ADGRG1: variants seen among roughly 807,000 people sequenced by gnomAD.
ADGRG1 encodes the protein adhesion G protein-coupled receptor G1.
In ADGRG1, 53 loss-of-function variants were observed where a neutral mutation model predicts 73.5. The ratio of observed to expected loss-of-function variants is 0.72; its 90% CI spans 0.58 to 0.91. The LOEUF (loss-of-function observed/expected upper bound fraction) is 0.91, where lower values mean the gene tolerates loss of function less well. ADGRG1 is among the 40% of genes least tolerant of loss of function. The probability of loss-of-function intolerance (pLI) is 0.00; values close to 1 mark genes in which losing one functional copy is unlikely to be tolerated. For synonymous variants in ADGRG1, 394 were observed against 374.4 expected, an observed-to-expected ratio of 1.05 and a Z score of -0.60; for missense variants, 795 against 871.8, an observed-to-expected ratio of 0.91 and a Z score of 1.11.
chr16:57,632,274 G>A (rs1167991122), intron 1 of ADGRG1: 1 of 985,300 alleles, frequency 1.0e-6, no homozygotes, highest in Admixed American at 6.1e-5. Context: ...GCACCTGTAG[G>A]GTGACAGGGC....
At chr16:57,642,742 AC>A in intron 1 of ADGRG1, 1 of 670,480 alleles carries the variant, frequency 1.5e-6, no homozygotes, top group Non-Finnish European at 1.8e-6. Flanking sequence ...AACTCAGAAG[AC>A]CACAATGGCT....
intron 1 of ADGRG1, among the ~76,000 whole-genome samples, chr16:57,633,731 A>G (rs2038620457): frequency 6.6e-6 from 1 of 152,332 alleles, no homozygotes; most frequent in South Asian, 2.1e-4. Flanking sequence ...GCACACCTCA[A>G]GTGCTATTGT....
intron 1 of ADGRG1, chr16:57,647,247 A>G (rs1332132100): frequency 1.0e-6 from 1 of 985,170 alleles, no homozygotes; most frequent in Admixed American, 6.2e-5. Context: ...GGAGGAGGGA[A>G]GTTTTCTGGG....
At chr16:57,633,695 A>T (rs2038611272) in intron 1 of ADGRG1, among the ~76,000 whole-genome samples, 1 of 152,204 alleles carries the variant, frequency 6.6e-6, no homozygotes. Context: ...GAGCCTCTGT[A>T]TTTTAAGTGC....
At chr16:57,630,075 G>A (rs909250991) in intron 1 of ADGRG1, 65 of 894,520 alleles carry the variant, frequency 7.3e-5, no homozygotes, top group East Asian at 4.8e-4. Flanking sequence ...TTTATTGAGC[G>A]CTTACTGTGC....
chr16:57,647,200 T>C (rs2042879404), intron 1 of ADGRG1: 2 of 985,284 alleles, frequency 2.0e-6, no homozygotes, highest in African/African-American at 3.5e-5. Flanking sequence ...GCAACTTTCT[T>C]GTCCCCAGCC....
intron 10 of ADGRG1, among the ~76,000 whole-genome samples, chr16:57,657,745 A>T (rs2046102147): frequency 1.3e-5 from 2 of 151,780 alleles, no homozygotes; most frequent in African/African-American, 4.8e-5. Context: ...TTATTTTATT[A>T]TTATTATTTT....
At chr16:57,662,544 A>C (rs533882598) in intron 13 of ADGRG1, among the ~76,000 whole-genome samples, 1 of 152,238 alleles carries the variant, frequency 6.6e-6, no homozygotes, top group East Asian at 1.9e-4. Flanking sequence ...CAAATGCCCA[A>C]GGGGTCACGT....
At chr16:57,662,502 C>T (rs533157846) in intron 13 of ADGRG1, among the ~76,000 whole-genome samples, 3 of 152,276 alleles carry the variant, frequency 2.0e-5, no homozygotes, top group South Asian at 2.1e-4. Flanking sequence ...CTGGGCCACC[C>T]GGGCCCTGCC....
intron 1 of ADGRG1, chr16:57,648,518 G>A: frequency 1.0e-6 from 1 of 970,644 alleles, no homozygotes; most frequent in Non-Finnish European, 1.2e-6. Flanking sequence ...CTGGCTCTCA[G>A]TCGAAGGGGC....
Position 57,661,883 on chromosome 16 carries a change from G to T in ADGRG1, c.1851G>T (p.Trp617Cys), listed in dbSNP as rs750174689. Reference protein sequence around the residue: ...LGLSLVLGLPWALIFFSFASG... With the variant: ...LGLSLVLGLPCALIFFSFASG... ...TCAGCCTGGTCCTTGGCCTGCCCTGGGCCTTGATCTTCTTCTCCTTTGCTT... is the reference window on the plus strand; with the variant it reads ...TCAGCCTGGTCCTTGGCCTGCCCTGTGCCTTGATCTTCTTCTCCTTTGCTT... The change falls in exon 13 of 14, where the codon TGG becomes TGT. Residue 617 changes from tryptophan to cysteine, a missense_variant. By Grantham distance (215) the Trp-to-Cys change is radical. Transcript: ENST00000562631. The T allele has an allele frequency of 1.9e-6, 3 of 1,614,114 alleles. No homozygotes were observed. Among genetic ancestry groups the T allele is most frequent in the East Asian group, 2.2e-5 (1 of 44,898 alleles).
Position 57,647,358 on chromosome 16 carries a change from G to C in ADGRG1, c.-35-2895G>C, listed in dbSNP as rs538591466. On this transcript the variant is annotated intron_variant, in intron 1 of 13. Coordinates refer to ENST00000562631, the MANE Select transcript of ADGRG1 (RefSeq NM_201525.4). ...GTGGGTGAGCTGGTTGCTGGGGGCC[G>C]TACGGGAAGAGGGGGAAACAGGGAG... 8.4e-5 allele frequency: 82 copies of C among 981,266 alleles called. No individual in the cohort carries two copies. The East Asian group carries it at 1.8e-3, about 22-fold the overall frequency. The allele number at this position is 981,266 out of a possible 1,614,324, so 60.8% of individuals were successfully genotyped here. A position where few individuals can be genotyped will look rare whatever the true frequency, so the allele number is the denominator to read the frequency against.
rs1369021844 is a variant in ADGRG1, at chr16:57,634,559, G to C, written c.-36+5757G>C. 29 of 812,650 alleles carry C rather than the reference G, an allele frequency of 3.6e-5. No individual in the cohort carries two copies. The African/African-American group carries it at 5.4e-4, about 15-fold the overall frequency. The allele number at this position is 812,650 out of a possible 1,614,324, so 50.3% of individuals were successfully genotyped here. ...CCACATTTCACAGATGAGGAATCAGGCCCAAGAGCTCGGAGCAGTCAGTGG... is the reference window on the plus strand; with the variant it reads ...CCACATTTCACAGATGAGGAATCAGCCCCAAGAGCTCGGAGCAGTCAGTGG... On this transcript the variant is annotated intron_variant, in intron 1 of 13. Transcript: ENST00000562631.
chr16:57,636,696 A>G, intron 1 of ADGRG1: 1 of 985,244 alleles, frequency 1.0e-6, no homozygotes, highest in Non-Finnish European at 1.2e-6. Flanking sequence ...GCCCTGGGTT[A>G]GAGTCCCAGC....
intron 1 of ADGRG1, chr16:57,644,281 TCA>T (rs765460937): frequency 8.8e-5 from 65 of 737,360 alleles, no homozygotes; most frequent in Non-Finnish European, 1.0e-4. Flanking sequence ...CACACACTCA[TCA>T]CACACTCATG....
chr16:57,655,696 A>G (rs1385046821), intron 6 of ADGRG1, 166 bp downstream of exon 6: 5 of 985,280 alleles, frequency 5.1e-6, no homozygotes. Context: ...AGGGCTAAGC[A>G]ATGTTCTTCT....
chr16:57,642,748 A>G (rs560788864), intron 1 of ADGRG1: 12 of 630,632 alleles, frequency 1.9e-5, no homozygotes, highest in African/African-American at 1.2e-4. Flanking sequence ...GAAGACCACA[A>G]TGGCTAAAAG....
intron 1 of ADGRG1, chr16:57,642,249 G>A: frequency 1.0e-6 from 1 of 985,354 alleles, no homozygotes; most frequent in Non-Finnish European, 1.2e-6. Context: ...CCCACGAGCT[G>A]GTGCTGCCGG....
At chr16:57,656,037 T>C in intron 7 of ADGRG1, 45 bp downstream of exon 7, 1 of 1,613,812 alleles carries the variant, frequency 6.2e-7, no homozygotes, top group Non-Finnish European at 8.5e-7. Context: ...CCCTCGGCCA[T>C]GTCACCCTTT....
Sources: allele counts gnomAD v4.1 joint callset (sites outside exome capture counted in the v4.1 genomes callset), GRCh38; gene constraint gnomAD v4.1.1; transcripts MANE v1.5; gene names NCBI Gene and HGNC (gene_info 2026-07-23, HGNC 2026-07-21).